The following WDPCP variants were observed in gnomAD, a reference collection of about 807,000 sequenced individuals.
The protein encoded by WDPCP is WD repeat containing planar cell polarity effector.
WDPCP carries 71 observed loss-of-function variants against 93.1 expected under a neutral mutation model. The ratio of observed to expected loss-of-function variants is 0.76; its 90% CI spans 0.63 to 0.93. The LOEUF (loss-of-function observed/expected upper bound fraction) is 0.93. Among genes scored for constraint, WDPCP ranks in the 40% least tolerant of loss-of-function variants. WDPCP has a pLI of 0.00. For synonymous variants in WDPCP, 315 were observed against 315.0 expected, an observed-to-expected ratio of 1.00 and a Z score of 0.00; for missense variants, 844 against 887.4, an observed-to-expected ratio of 0.95 and a Z score of 0.62.
chr2:63,275,046 T>G (rs572714713), intron 13 of WDPCP, among the ~76,000 whole-genome samples: 1 of 152,066 alleles, frequency 6.6e-6, no homozygotes, highest in Admixed American at 6.5e-5. Context: ...ATGAACACAG[T>G]TGCAAAAATC....
chr2:63,433,659 TA>T (rs1342142816), intron 9 of WDPCP, 85 bp downstream of exon 9: 3 of 1,297,764 alleles, frequency 2.3e-6, no homozygotes, highest in Non-Finnish European at 3.2e-6. Context: ...AGGTAAAAAA[TA>T]TTCACATTTA....
intron 12 of WDPCP, among the ~76,000 whole-genome samples, chr2:63,326,999 C>T (rs1030743861): frequency 1.3e-5 from 2 of 152,022 alleles, no homozygotes; most frequent in Admixed American, 6.6e-5. Flanking sequence ...CAACCCATAG[C>T]CTTCCTATCA....
intron 2 of WDPCP, among the ~76,000 whole-genome samples, chr2:63,689,828 A>T (rs566518803): frequency 1.3e-5 from 2 of 152,258 alleles, no homozygotes; most frequent in African/African-American, 4.8e-5. Flanking sequence ...ACCTCCAGAA[A>T]CTTCCAGGGC....
chr2:63,125,928 T>TA (rs1669870987), intron 17 of WDPCP, among the ~76,000 whole-genome samples: 1 of 148,280 alleles, frequency 6.7e-6, no homozygotes, highest in South Asian at 2.2e-4. Context: ...AGTTTTTTTT[T>TA]ACACAAGCTT....
At position 63,401,400 on chromosome 2, in the gene WDPCP, C is replaced by T. The variant is rs189338497; in HGVS notation, c.1435+2648G>A. 2.0e-4 allele frequency among the ~76,000 whole-genome samples: 30 copies of T among 152,300 alleles called. No individual in the cohort carries two copies. The East Asian group carries it at 3.3e-3, about 17-fold the overall frequency. On this transcript the variant is annotated intron_variant, in intron 10 of 17. Coordinates refer to ENST00000272321, the MANE Select transcript of WDPCP (RefSeq NM_015910.7). ...GCCAACAAACATATGAAAAAAAGCT[C>T]ATCATCACCGATCATTAGAGAAATG...
chr2:63,720,615 A>C (rs1421496287), intron 2 of WDPCP, among the ~76,000 whole-genome samples: 3 of 152,162 alleles, frequency 2.0e-5, no homozygotes, highest in African/African-American at 4.8e-5. Flanking sequence ...AACATTATTA[A>C]GTCTAATGTG....
chr2:63,683,913 G>A (rs1668768517), intron 2 of WDPCP, among the ~76,000 whole-genome samples: 1 of 151,194 alleles, frequency 6.6e-6, no homozygotes, highest in African/African-American at 2.4e-5. Context: ...AATTCAGCAA[G>A]AGGATATAAC....
intron 3 of WDPCP, among the ~76,000 whole-genome samples, chr2:63,630,091 G>A (rs1363739803): frequency 2.0e-5 from 3 of 152,110 alleles, no homozygotes; most frequent in Non-Finnish European, 1.5e-5. Flanking sequence ...CTAAGCATAA[G>A]TGATGTGCAA....
intron 1 of WDPCP, among the ~76,000 whole-genome samples, chr2:63,533,086 G>A (rs932310739): frequency 6.6e-6 from 1 of 152,052 alleles, no homozygotes; most frequent in Admixed American, 6.6e-5. Context: ...CAGACTTTAA[G>A]CCAACAAAGA....
chr2:63,813,121 C>A (rs1426847937), intron 2 of WDPCP, among the ~76,000 whole-genome samples: 1 of 152,086 alleles, frequency 6.6e-6, no homozygotes, highest in African/African-American at 2.4e-5. Flanking sequence ...TCCCAAAGTG[C>A]TGGGATTACA....
chr2:63,582,704 A>G (rs1708574564), intron 1 of WDPCP, among the ~76,000 whole-genome samples: 1 of 152,194 alleles, frequency 6.6e-6, no homozygotes, highest in South Asian at 2.1e-4. Flanking sequence ...GTACAAATAC[A>G]GAAAGATAAA....
intron 2 of WDPCP, among the ~76,000 whole-genome samples, chr2:63,784,601 T>TGTGTGA (rs1670441767): frequency 6.6e-6 from 1 of 151,832 alleles, no homozygotes. Context: ...TGTGTGTGTG[T>TGTGTGA]GAATATGAAA....
chr2:63,788,831 T>C (rs990505452), intron 2 of WDPCP, among the ~76,000 whole-genome samples: 1 of 152,184 alleles, frequency 6.6e-6, no homozygotes, highest in Non-Finnish European at 1.5e-5. Flanking sequence ...ACCTATCCAC[T>C]GATATCACCT....
chr2:63,259,223 C>T (rs1041697018), intron 14 of WDPCP, 84 bp downstream of exon 14: 3 of 1,156,682 alleles, frequency 2.6e-6, no homozygotes, highest in Admixed American at 3.5e-5. Flanking sequence ...TCAAATTAAC[C>T]ATCCATGTCC....
At chr2:63,238,940 C>T (rs1679637521) in intron 14 of WDPCP, among the ~76,000 whole-genome samples, 1 of 152,108 alleles carries the variant, frequency 6.6e-6, no homozygotes, top group South Asian at 2.1e-4. Context: ...ATTTCCACGA[C>T]ATAAATATTC....
chr2:63,748,698 G>T (rs1322508701), intron 2 of WDPCP, among the ~76,000 whole-genome samples: 1 of 151,930 alleles, frequency 6.6e-6, no homozygotes, highest in East Asian at 1.9e-4. Context: ...TAACTTTATA[G>T]CTGGTATGTG....
chr2:63,571,558 T>C (rs1330941556), intron 1 of WDPCP: 2 of 470,996 alleles, frequency 4.2e-6, no homozygotes, highest in African/African-American at 4.0e-5. Flanking sequence ...ATGCCTGCTA[T>C]GGTCACTCTC....
chr2:63,163,640 A>C (rs984106488), intron 15 of WDPCP, among the ~76,000 whole-genome samples: 12 of 152,236 alleles, frequency 7.9e-5, no homozygotes, highest in African/African-American at 2.9e-4. Flanking sequence ...AAACAAGGTC[A>C]ACTTAGGCTG....
intron 10 of WDPCP, among the ~76,000 whole-genome samples, chr2:63,398,147 G>A (rs777499231): frequency 9.2e-5 from 14 of 152,104 alleles, no homozygotes; most frequent in Admixed American, 2.6e-4. Flanking sequence ...GAGTGGGGGC[G>A]TCGTAAGAAG....
Sources: allele counts gnomAD v4.1 joint callset (sites outside exome capture counted in the v4.1 genomes callset), GRCh38; gene constraint gnomAD v4.1.1; transcripts MANE v1.5; gene names NCBI Gene and HGNC (gene_info 2026-07-23, HGNC 2026-07-21).